Variants in XPO6 observed in about 807,000 individuals in gnomAD.
The protein encoded by XPO6 is exportin-6.
A neutral mutation model predicts 130.0 loss-of-function variants in XPO6; 3 were observed. The observed-to-expected ratio is 0.02, with a 90% CI of 0.01 to 0.06. XPO6 has a LOEUF of 0.06. Ranked by LOEUF, XPO6 falls within the 10% of genes least tolerant of loss-of-function variation. The pLI, the probability that XPO6 is intolerant of heterozygous loss-of-function variation, is 1.00. For missense variants in XPO6, 970 were observed against 1,393.0 expected (o/e 0.70, Z 4.83); for synonymous variants, 524 against 548.9 (o/e 0.95, Z 0.63).
intron 17 of XPO6, 82 bp from the exon 18 acceptor site, chr16:28,107,759 A>G: frequency 6.6e-7 from 1 of 1,507,618 alleles, no homozygotes; most frequent in East Asian, 2.3e-5. Flanking sequence ...GAGGGAGGAA[A>G]CTTGCAAAGG....
intron 6 of XPO6, 53 bp from the exon 7 acceptor site, chr16:28,156,580 A>C (rs2043187377): frequency 1.5e-6 from 2 of 1,374,106 alleles, no homozygotes; most frequent in Admixed American, 5.0e-5. Flanking sequence ...CTTACAAATG[A>C]CTTTAAGTAA....
At chr16:28,116,479 C>CA (rs771991055) in intron 15 of XPO6, among the ~76,000 whole-genome samples, 6,463 of 94,906 alleles carry the variant, frequency 0.068, 460 homozygotes, top group African/African-American at 0.21. Flanking sequence ...ACAAAAACGA[C>CA]AAAAAAAAAA....
At chr16:28,151,269 C>A (rs2043083242) in intron 8 of XPO6, among the ~76,000 whole-genome samples, 1 of 149,038 alleles carries the variant, frequency 6.7e-6, no homozygotes, top group African/African-American at 2.5e-5. Context: ...ACTAAAACAG[C>A]TATCTGTGTA....
At position 28,098,424 on chromosome 16, in the gene XPO6, G is replaced by A. The variant is rs8049992; in HGVS notation, c.*114C>T. ...GGCAGAGGCAGGCAGCGTTGCTTGC[G>A]GTGGGAGAAGCCAAGGAGTGTGACC... On this transcript the variant is annotated 3_prime_UTR_variant, in exon 24 of 24. Transcript: ENST00000304658. The A allele has an allele frequency of 4.8e-3, 4,201 of 872,380 alleles. 102 individuals are homozygous for A. In the African/African-American group the frequency reaches 0.055, roughly 11 times the overall value. 54.0% of individuals were successfully genotyped at this position (872,380 alleles called of 1,614,324 possible).
In XPO6 at chr16:28,101,962, C is replaced by A; in HGVS notation, c.2947-17G>T. 1 of 1,607,366 alleles carries A rather than the reference C, an allele frequency of 6.2e-7. No homozygotes were observed. Among genetic ancestry groups the A allele is most frequent in the Non-Finnish European group, 8.5e-7 (1 of 1,174,446 alleles). The stretch of plus-strand genomic sequence containing the variant: ...TCCGAAAGCCTAGGAAATGAGACCA[C>A]CATTTTATAAACTGCAAGACCAAGC... On this transcript the variant is annotated splice_polypyrimidine_tract_variant and intron_variant, in intron 21 of 23. Transcript: ENST00000304658. This position sits in a 1 kb window ranked among gnomAD's most constrained non-coding sequence, Gnocchi z 5.4.
chr16:28,205,805 A>G (rs2044019649), intron 1 of XPO6, among the ~76,000 whole-genome samples: 1 of 152,126 alleles, frequency 6.6e-6, no homozygotes, highest in Admixed American at 6.5e-5. Flanking sequence ...CGGGAGGCCC[A>G]GACGGGTGGA....
In XPO6 at chr16:28,110,112, C is replaced by T. The variant is rs369151111; in HGVS notation, c.2341+1705G>A. On this transcript the variant is annotated intron_variant, in intron 17 of 23. Coordinates refer to ENST00000304658, the MANE Select transcript of XPO6 (RefSeq NM_015171.4). ...AAACTTTCCAACCTTAATTTCAACACTGTGGAATGAGGATAAGACATACCT... is the reference window on the plus strand; with the variant it reads ...AAACTTTCCAACCTTAATTTCAACATTGTGGAATGAGGATAAGACATACCT... Among the ~76,000 whole-genome samples, 8 of 152,184 alleles carry T rather than the reference C, an allele frequency of 5.3e-5. No individual in the cohort carries two copies. The East Asian group carries it at 1.4e-3, about 26-fold the overall frequency.
intron 6 of XPO6, among the ~76,000 whole-genome samples, chr16:28,162,744 T>TG (rs1053351142): frequency 2.0e-5 from 3 of 151,704 alleles, no homozygotes; most frequent in Non-Finnish European, 4.4e-5. Context: ...ATATTAGAGA[T>TG]GGGGTCTCAC....
At chr16:28,209,796 G>C (rs2044095943) in intron 1 of XPO6, among the ~76,000 whole-genome samples, 1 of 152,112 alleles carries the variant, frequency 6.6e-6, no homozygotes, top group South Asian at 2.1e-4. Flanking sequence ...TTGGAACTGA[G>C]AGCTTAACTG....
chr16:28,131,662 A>G (rs1477308973), intron 12 of XPO6, among the ~76,000 whole-genome samples: 1 of 152,204 alleles, frequency 6.6e-6, no homozygotes, highest in Non-Finnish European at 1.5e-5. Context: ...CTGAACATCA[A>G]TTTCCTCTTA....
At chr16:28,189,239 C>T (rs9927863) in intron 1 of XPO6, among the ~76,000 whole-genome samples, 84,871 of 147,630 alleles carry the variant, frequency 0.57, 26,708 homozygotes, top group South Asian at 0.72. Flanking sequence ...AGCCACCGCG[C>T]CCAGCTGACA....
rs1291339478 is a variant in XPO6 at position 28,211,563 on chromosome 16, C to A, written c.-195G>T. 2 of 460,190 alleles carry A rather than the reference C, an allele frequency of 4.3e-6. No homozygotes were observed. Among genetic ancestry groups the A allele is most frequent in the Non-Finnish European group, 7.4e-6 (2 of 271,418 alleles). 28.5% of individuals were successfully genotyped at this position (460,190 alleles called of 1,614,324 possible). On this transcript the variant is annotated 5_prime_UTR_variant, in exon 1 of 24. Transcript: ENST00000304658. Reference sequence around the variant, plus strand: ...CCCGGGTCGCCTCATCGGGGGACCCCGAGACAATTCATCCAGACCCACCCG... The same window carrying A: ...CCCGGGTCGCCTCATCGGGGGACCCAGAGACAATTCATCCAGACCCACCCG...
intron 1 of XPO6, among the ~76,000 whole-genome samples, chr16:28,194,545 G>C (rs1426815038): frequency 6.6e-6 from 1 of 151,966 alleles, no homozygotes; most frequent in African/African-American, 2.4e-5. Flanking sequence ...GGTAGAGGAG[G>C]GGGTCTCAAA....
Position 28,175,991 on chromosome 16 carries a change from G to A in XPO6, c.312C>T (p.Tyr104=). The A allele has an allele frequency of 6.2e-7, 1 of 1,614,214 alleles. No individual in the cohort carries two copies. The change falls in exon 4 of 24, where the codon TAC becomes TAT. Residue 104 remains tyrosine, a synonymous_variant. Transcript: ENST00000304658. ...CTTTGCAGAGCTTGTTCCGGATAAA[G>A]TAAGGTAAGGTTTTATGGTGAGCCA... ...LLLAHHKTLP[Y]FIRNKLCKVI... is the part of the protein sequence containing the mutation.
intron 10 of XPO6, among the ~76,000 whole-genome samples, chr16:28,134,605 T>C (rs2042740274): frequency 6.6e-6 from 1 of 152,138 alleles, no homozygotes; most frequent in African/African-American, 2.4e-5. Context: ...TGACCACCCA[T>C]AAGCTCTTGA....
At chr16:28,160,648 T>C (rs2043263329) in intron 6 of XPO6, among the ~76,000 whole-genome samples, 1 of 152,228 alleles carries the variant, frequency 6.6e-6, no homozygotes, top group South Asian at 2.1e-4. Flanking sequence ...GTTCTTTCTA[T>C]GTAAGATACT....
chr16:28,135,291 C>T lies in XPO6; in HGVS notation c.1368G>A (p.Glu456=), dbSNP rs1411168268. The T allele has an allele frequency of 6.2e-6, 10 of 1,613,844 alleles. No individual in the cohort carries two copies. Among genetic ancestry groups the T allele is most frequent in the Middle Eastern group, 3.3e-4 (2 of 6,084 alleles). The change falls in exon 10 of 24, where the codon GAG becomes GAA. Residue 456 remains glutamate, a synonymous_variant. Coordinates refer to ENST00000304658, the MANE Select transcript of XPO6 (RefSeq NM_015171.4). ...ATCTGAACTGGATTCGATTCAACAC[C>T]TCTGTGAGCAGGAGCACCAGGGCAT... The part of the protein sequence containing the change: ...YEDALVLLLT[E]VLNRIQFRYN...
At chr16:28,182,089 C>A (rs1008934130) in intron 1 of XPO6, among the ~76,000 whole-genome samples, 2 of 152,158 alleles carry the variant, frequency 1.3e-5, no homozygotes, top group African/African-American at 4.8e-5. Flanking sequence ...AATCAAGAGC[C>A]AGCAGCAGTT....
At chr16:28,189,463 C>T (rs766642355) in intron 1 of XPO6, among the ~76,000 whole-genome samples, 17 of 152,214 alleles carry the variant, frequency 1.1e-4, no homozygotes, top group Middle Eastern at 3.4e-3. Context: ...CCCAGCCACA[C>T]CCATGTGAGT....
Sources: allele counts gnomAD v4.1 joint callset (sites outside exome capture counted in the v4.1 genomes callset), GRCh38; gene constraint gnomAD v4.1.1; non-coding constraint Gnocchi (gnomAD v3.1); transcripts MANE v1.5; gene names NCBI Gene and HGNC (gene_info 2026-07-23, HGNC 2026-07-21).